SDK1: variants seen among roughly 807,000 people sequenced by gnomAD.
SDK1 encodes the protein sidekick cell adhesion molecule 1.
In SDK1, 157 loss-of-function variants were observed where a neutral mutation model predicts 245.5. That is an observed-to-expected ratio of 0.64 (90% CI 0.56 to 0.73). The LOEUF (loss-of-function observed/expected upper bound fraction) is 0.73, where lower values mean the gene tolerates loss of function less well. Ranked by LOEUF, SDK1 falls within the 30% of genes least tolerant of loss-of-function variation. The pLI is 0.00. For missense variants in SDK1, 3,583 were observed against 3,002.3 expected (o/e 1.19, Z -4.52); for synonymous variants, 1,647 against 1,278.5 (o/e 1.29, Z -6.15).
At chr7:3,648,253 A>T (rs1782908485) in intron 4 of SDK1, among the ~76,000 whole-genome samples, 1 of 152,284 alleles carries the variant, frequency 6.6e-6, no homozygotes, top group Non-Finnish European at 1.5e-5. Flanking sequence ...GACGTTATTT[A>T]TGTTGGTAGT....
At chr7:3,375,342 G>T (rs1258401611) in intron 1 of SDK1, among the ~76,000 whole-genome samples, 1 of 152,206 alleles carries the variant, frequency 6.6e-6, no homozygotes, top group African/African-American at 2.4e-5. Context: ...CTAGAAGTAA[G>T]CCCAAGTACA....
At chr7:4,189,576 A>ATGG (rs1783074532) in intron 35 of SDK1, among the ~76,000 whole-genome samples, 1 of 152,232 alleles carries the variant, frequency 6.6e-6, no homozygotes, top group Admixed American at 6.5e-5. Context: ...CCGGCCAGGC[A>ATGG]TGGTGGCTCA....
intron 13 of SDK1, among the ~76,000 whole-genome samples, chr7:3,978,690 C>T (rs981330466): frequency 1.3e-5 from 2 of 152,112 alleles, no homozygotes; most frequent in African/African-American, 4.8e-5. Context: ...TTCTGTCCTT[C>T]TTGGGTAACT....
At chr7:3,894,144 C>G (rs1045517857) in intron 5 of SDK1, among the ~76,000 whole-genome samples, 44 of 152,250 alleles carry the variant, frequency 2.9e-4, no homozygotes, top group African/African-American at 9.6e-4. Context: ...GCAGTTGGAC[C>G]AGTTTTAAAA....
rs5881978 is a variant in SDK1, at chr7:3,338,631, CAAAAA to C, written c.298+36752_298+36756del. On this transcript the variant is annotated intron_variant, in intron 1 of 44. Transcript: ENST00000404826. ...TGTTAAAAACAAACAAACAAACAAA[CAAAAA>C]AAAACACCAAAACAAGAAAATACTC... The C allele has an allele frequency of 5.2e-4, 97 of 185,660 alleles. 1 individual carries two copies. In the East Asian group the frequency reaches 0.011, roughly 21 times the overall value. 11.5% of individuals were successfully genotyped at this position (185,660 alleles called of 1,614,324 possible). A position where few individuals can be genotyped will look rare whatever the true frequency, so the allele number is the denominator to read the frequency against.
chr7:4,188,458 T>A (rs1247742408), intron 35 of SDK1, among the ~76,000 whole-genome samples: 1 of 152,140 alleles, frequency 6.6e-6, no homozygotes, highest in Non-Finnish European at 1.5e-5. Flanking sequence ...GTCTTAGTGT[T>A]TTGTGTTGAT....
chr7:4,037,976 A>G (rs905756768), intron 17 of SDK1, among the ~76,000 whole-genome samples: 3 of 152,176 alleles, frequency 2.0e-5, no homozygotes, highest in Middle Eastern at 3.2e-3. Flanking sequence ...TGTCTGGTAT[A>G]TGGTAGATAC....
At chr7:3,426,884 T>C (rs932327941) in intron 1 of SDK1, among the ~76,000 whole-genome samples, 1 of 152,212 alleles carries the variant, frequency 6.6e-6, no homozygotes, top group Admixed American at 6.5e-5. Context: ...CTGTCATCCT[T>C]AAGGAATTTA....
chr7:3,598,493 A>G (rs745571400), intron 1 of SDK1, among the ~76,000 whole-genome samples: 2 of 152,216 alleles, frequency 1.3e-5, no homozygotes, highest in Non-Finnish European at 2.9e-5. Flanking sequence ...CAATGGTAAC[A>G]TGTTACAAAA....
intron 5 of SDK1, 97 bp downstream of exon 5, chr7:3,821,680 T>C (rs1779649822): frequency 7.3e-7 from 1 of 1,368,978 alleles, no homozygotes; most frequent in Admixed American, 1.9e-5. Context: ...ATAAATTTTC[T>C]CTCTCTAGTG....
At chr7:3,837,885 A>G (rs74988113) in intron 5 of SDK1, among the ~76,000 whole-genome samples, 1 of 152,212 alleles carries the variant, frequency 6.6e-6, no homozygotes, top group Non-Finnish European at 1.5e-5. Context: ...TTCCTAGTCA[A>G]ACTGGCCACA....
chr7:3,514,887 CTCTCTCTT>C (rs774949163), intron 1 of SDK1, among the ~76,000 whole-genome samples: 1 of 152,204 alleles, frequency 6.6e-6, no homozygotes, highest in Non-Finnish European at 1.5e-5. Context: ...CGTGCGCTCT[CTCTCTCTT>C]TCTCTCTTTC....
At chr7:3,840,124 T>C (rs1024811642) in intron 5 of SDK1, among the ~76,000 whole-genome samples, 1 of 152,162 alleles carries the variant, frequency 6.6e-6, no homozygotes, top group African/African-American at 2.4e-5. Context: ...ACTTAAAATA[T>C]GTGAGAGGGA....
intron 1 of SDK1, among the ~76,000 whole-genome samples, chr7:3,465,915 C>G (rs1380734807): frequency 6.6e-6 from 1 of 152,114 alleles, no homozygotes; most frequent in Non-Finnish European, 1.5e-5. Context: ...ACACATGGTC[C>G]AAGTTGTCTG....
At chr7:3,529,306 C>T (rs953965326) in intron 1 of SDK1, among the ~76,000 whole-genome samples, 2 of 152,128 alleles carry the variant, frequency 1.3e-5, no homozygotes, top group Non-Finnish European at 2.9e-5. Flanking sequence ...TAAATTCCAT[C>T]CTCTACTAAA....
intron 19 of SDK1, among the ~76,000 whole-genome samples, chr7:4,066,872 C>G (rs1779940740): frequency 6.6e-6 from 1 of 152,176 alleles, no homozygotes; most frequent in Non-Finnish European, 1.5e-5. Flanking sequence ...CGCCCTTCCT[C>G]AAGCAGTTTG....
At chr7:3,960,315 C>G (rs1216428654) in intron 8 of SDK1, among the ~76,000 whole-genome samples, 1 of 152,230 alleles carries the variant, frequency 6.6e-6, no homozygotes, top group Non-Finnish European at 1.5e-5. Context: ...CCTAGGTCCA[C>G]ATGGTAATGG....
At chr7:4,139,715 G>A (rs1187871500) in intron 28 of SDK1, among the ~76,000 whole-genome samples, 1 of 39,048 alleles carries the variant, frequency 2.6e-5, no homozygotes, top group African/African-American at 6.0e-5. Flanking sequence ...ATGTGTGTGT[G>A]TGTGTATGTG....
In SDK1 at chr7:4,210,181, G is replaced by A. The variant is rs1393703421; in HGVS notation, c.5539+19G>A. 1.3e-6 allele frequency: 2 copies of A among 1,526,822 alleles called. No individual in the cohort carries two copies. Among genetic ancestry groups the A allele is most frequent in the East Asian group, 2.4e-5 (1 of 42,176 alleles). 94.6% of individuals were successfully genotyped at this position (1,526,822 alleles called of 1,614,324 possible). The stretch of plus-strand genomic sequence containing the variant: ...GTACAAGGTAAGACCCGGGGTTGGG[G>A]AGATGGGAGCGCGGGCCACACCAGT... On this transcript the variant is annotated intron_variant, in intron 38 of 44. Coordinates refer to ENST00000404826, the MANE Select transcript of SDK1 (RefSeq NM_152744.4).
Sources: allele counts gnomAD v4.1 joint callset (sites outside exome capture counted in the v4.1 genomes callset), GRCh38; gene constraint gnomAD v4.1.1; transcripts MANE v1.5; gene names NCBI Gene and HGNC (gene_info 2026-07-23, HGNC 2026-07-21).